The following SCN11A variants were observed in gnomAD, a reference collection of about 807,000 sequenced individuals.
The protein encoded by SCN11A is sodium channel protein type 11 subunit alpha.
In SCN11A, 122 loss-of-function variants were observed where a neutral mutation model predicts 162.2. That is an observed-to-expected ratio of 0.75 (90% CI 0.65 to 0.87). The LOEUF (loss-of-function observed/expected upper bound fraction) is 0.87. Among genes scored for constraint, SCN11A ranks in the 40% least tolerant of loss-of-function variants. The probability of loss-of-function intolerance (pLI) is 0.00; values close to 1 mark genes in which losing one functional copy is unlikely to be tolerated. For missense variants in SCN11A, 2,015 were observed against 2,181.6 expected, an observed-to-expected ratio of 0.92 and a Z score of 1.52; for synonymous variants, 758 against 751.5, an observed-to-expected ratio of 1.01 and a Z score of -0.14.
At chr3:39,021,895 G>A (rs183561423) in intron 2 of SCN11A, among the ~76,000 whole-genome samples, 1 of 152,264 alleles carries the variant, frequency 6.6e-6, no homozygotes, top group Non-Finnish European at 1.5e-5. Flanking sequence ...TGAAAACTGA[G>A]TTATTGGCCA....
At chr3:38,881,834 C>T (rs1417911828) in intron 22 of SCN11A, among the ~76,000 whole-genome samples, 1 of 152,186 alleles carries the variant, frequency 6.6e-6, no homozygotes, top group Non-Finnish European at 1.5e-5. Context: ...CCAGCCTACA[C>T]CTGCCTTTCC....
chr3:38,978,809 G>A (rs748510268), intron 2 of SCN11A, among the ~76,000 whole-genome samples: 19 of 151,962 alleles, frequency 1.3e-4, no homozygotes, highest in African/African-American at 4.4e-4. Context: ...CTCCAGCCTC[G>A]GCCCCTCCGC....
chr3:38,956,526 A>G (rs1239971935), intron 3 of SCN11A, among the ~76,000 whole-genome samples: 5 of 152,192 alleles, frequency 3.3e-5, no homozygotes, highest in Non-Finnish European at 4.4e-5. Flanking sequence ...ATCCTTCAGT[A>G]TAACAGGAAA....
In SCN11A at chr3:38,899,982, T is replaced by C. The variant is rs988402656; in HGVS notation, c.1934A>G (p.Asp645Gly). ...HYFRRGWNIF[D>G]SIVALLSFAD... ...AAAACTCAGAAGAGCAACAATGCTG[T>C]CAAAAATGTTCCAGCCTCGGCGAAA... The change falls in exon 17 of 30, where the codon GAC (aspartate) becomes GGC (glycine). Residue 645 changes from aspartate to glycine, a missense_variant. By Grantham distance (94) the Asp-to-Gly change is moderately conservative. Transcript: ENST00000302328. 19 of 1,613,950 alleles carry C rather than the reference T, an allele frequency of 1.2e-5. No individual in the cohort carries two copies. The highest frequency in any genetic ancestry group is 1.6e-5 in the Non-Finnish European group (19 of 1,179,980).
At chr3:39,048,294 C>G (rs2032233551) in intron 1 of SCN11A, among the ~76,000 whole-genome samples, 1 of 151,998 alleles carries the variant, frequency 6.6e-6, no homozygotes, top group South Asian at 2.1e-4. Flanking sequence ...ATGTTCTCAC[C>G]AATATGTGAA....
intron 17 of SCN11A, among the ~76,000 whole-genome samples, chr3:38,897,511 T>C (rs910472535): frequency 2.6e-5 from 4 of 151,808 alleles, no homozygotes; most frequent in Non-Finnish European, 5.9e-5. Flanking sequence ...GGTCAGGAGA[T>C]TGAGACCATC....
chr3:38,921,039 C>G (rs747623415), intron 10 of SCN11A, 37 bp downstream of exon 10: 6 of 1,596,686 alleles, frequency 3.8e-6, no homozygotes, highest in Non-Finnish European at 4.3e-6. Flanking sequence ...GTTAACCATG[C>G]AAAAACCAAG....
chr3:38,873,070 A>C (rs1332497946), intron 23 of SCN11A, among the ~76,000 whole-genome samples: 1 of 152,226 alleles, frequency 6.6e-6, no homozygotes, highest in African/African-American at 2.4e-5. Flanking sequence ...GAGTATTAGA[A>C]AGCTCTGTTA....
chr3:38,892,724 CA>C (rs1221517796), intron 19 of SCN11A, among the ~76,000 whole-genome samples: 1 of 151,460 alleles, frequency 6.6e-6, no homozygotes, highest in East Asian at 1.9e-4. Context: ...TAAAACAATA[CA>C]AAAACAGGAG....
chr3:38,950,973 G>C (rs1398100031), intron 4 of SCN11A, among the ~76,000 whole-genome samples: 4 of 152,270 alleles, frequency 2.6e-5, no homozygotes, highest in Admixed American at 6.5e-5. Context: ...AAGAAAGTGA[G>C]AGGTGACAGC....
chr3:38,996,725 T>A (rs755268352), intron 2 of SCN11A, among the ~76,000 whole-genome samples: 1 of 152,176 alleles, frequency 6.6e-6, no homozygotes, highest in Admixed American at 6.5e-5. Context: ...ATTGCGAAGA[T>A]GGCAACAAAT....
chr3:38,951,952 T>C (rs910611575), intron 4 of SCN11A, among the ~76,000 whole-genome samples: 1 of 152,064 alleles, frequency 6.6e-6, no homozygotes, highest in African/African-American at 2.4e-5. Flanking sequence ...GGCAACCCGC[T>C]GGGGTCCCCT....
At chr3:39,028,549 C>T (rs1016522919) in intron 2 of SCN11A, among the ~76,000 whole-genome samples, 4 of 152,170 alleles carry the variant, frequency 2.6e-5, no homozygotes, top group Non-Finnish European at 5.9e-5. Flanking sequence ...GTCCTGTTTT[C>T]TGTTGTTATA....
intron 18 of SCN11A, 79 bp from the exon 19 acceptor site, chr3:38,895,043 C>T: frequency 7.6e-7 from 1 of 1,311,390 alleles, no homozygotes; most frequent in African/African-American, 1.5e-5. Context: ...GACAACTTTT[C>T]CCCAAGACTA....
intron 2 of SCN11A, among the ~76,000 whole-genome samples, chr3:38,974,459 GC>G (rs1559561573): frequency 6.6e-6 from 1 of 152,026 alleles, no homozygotes; most frequent in Non-Finnish European, 1.5e-5. Context: ...ACTTTGGGAG[GC>G]CGAGGCGGGC....
At chr3:39,006,755 T>C (rs2030991162) in intron 2 of SCN11A, among the ~76,000 whole-genome samples, 1 of 152,058 alleles carries the variant, frequency 6.6e-6, no homozygotes, top group Admixed American at 6.5e-5. Flanking sequence ...CAAGCCATGA[T>C]TGTACCACTG....
At chr3:38,921,478 T>C (rs548164723) in intron 9 of SCN11A, among the ~76,000 whole-genome samples, 12 of 152,218 alleles carry the variant, frequency 7.9e-5, no homozygotes, top group Non-Finnish European at 1.6e-4. Flanking sequence ...TCAATCTCTC[T>C]ATTCCTGCCC....
Position 38,908,015 on chromosome 3 carries a change from G to T in SCN11A, c.1407C>A (p.Phe469Leu). 6.2e-7 allele frequency: 1 copy of T among 1,613,570 alleles called. No homozygotes were observed. Among genetic ancestry groups the T allele is most frequent in the Non-Finnish European group, 8.5e-7 (1 of 1,179,884 alleles). Residue 469 changes from phenylalanine to leucine, a missense_variant, in exon 14 of 30, where the codon TTC (phenylalanine) becomes TTA (leucine). Phe to Leu is a conservative substitution (Grantham distance 22). Coordinates refer to ENST00000302328, the MANE Select transcript of SCN11A (RefSeq NM_001349253.2). ...KLFGNKKRKS[F>L]FLRESGKDQP... The stretch of plus-strand genomic sequence containing the variant: ...GGTCTTTCCCAGACTCTCTCAAAAA[G>T]AAGGACTTCCTTTTCTTATTACCAA...
intron 7 of SCN11A, among the ~76,000 whole-genome samples, chr3:38,940,771 T>C (rs1440410068): frequency 6.6e-6 from 1 of 152,102 alleles, no homozygotes; most frequent in African/African-American, 2.4e-5. Context: ...TTTCTAACTA[T>C]AAATCAAAAT....
Sources: allele counts gnomAD v4.1 joint callset (sites outside exome capture counted in the v4.1 genomes callset), GRCh38; gene constraint gnomAD v4.1.1; transcripts MANE v1.5; gene names NCBI Gene and HGNC (gene_info 2026-07-23, HGNC 2026-07-21).